The following ADAMTS12 variants were observed in gnomAD, a reference collection of about 807,000 sequenced individuals.
ADAMTS12 encodes the protein ADAM metallopeptidase with thrombospondin type 1 motif 12.
Under a neutral mutation model 167.8 loss-of-function variants are expected in ADAMTS12, and 118 were observed. The observed-to-expected ratio is 0.70, with a 90% CI of 0.61 to 0.82. The LOEUF is 0.82. Ranked by LOEUF, ADAMTS12 falls within the 40% of genes least tolerant of loss-of-function variation. ADAMTS12 has a pLI of 0.00. For missense variants in ADAMTS12, 1,916 were observed against 1,998.8 expected (o/e 0.96, Z 0.79); for synonymous variants, 704 against 716.9 (o/e 0.98, Z 0.29).
Position 33,630,818 on chromosome 5 carries a change from C to T in ADAMTS12, c.1984G>A (p.Gly662Ser), listed in dbSNP as rs561574052. 1.1e-5 allele frequency: 18 copies of T among 1,613,602 alleles called. No homozygotes were observed. The South Asian group carries it at 1.4e-4, about 13-fold the overall frequency. Reference protein sequence around the residue: ...VIDGTPCFEGGNSRNVCINGI... With the variant: ...VIDGTPCFEGSNSRNVCINGI... ...TTAATACAGACATTTCTGCTGTTGCCGCCTTCAAAGCAAGGGGTACCATCA... is the reference window on the plus strand; with the variant it reads ...TTAATACAGACATTTCTGCTGTTGCTGCCTTCAAAGCAAGGGGTACCATCA... The change falls in exon 13 of 24, where the codon GGC becomes AGC. Residue 662 changes from glycine to serine, a missense_variant. Transcript: ENST00000504830.
At chr5:33,680,696 C>T (rs1742080122) in intron 5 of ADAMTS12, among the ~76,000 whole-genome samples, 1 of 152,074 alleles carries the variant, frequency 6.6e-6, no homozygotes, top group Non-Finnish European at 1.5e-5. Context: ...GTATTTAACT[C>T]ATTAGTGAGG....
At chr5:33,869,183 C>T (rs1481024744) in intron 2 of ADAMTS12, among the ~76,000 whole-genome samples, 1 of 152,116 alleles carries the variant, frequency 6.6e-6, no homozygotes, top group Non-Finnish European at 1.5e-5. Context: ...GACACTGCTC[C>T]CTGTGTCCCA....
intron 2 of ADAMTS12, among the ~76,000 whole-genome samples, chr5:33,763,280 T>C (rs1019191752): frequency 3.9e-5 from 6 of 151,972 alleles, no homozygotes; most frequent in Non-Finnish European, 8.8e-5. Context: ...ACCTATGTAA[T>C]CAGAAGGGCC....
At chr5:33,788,392 C>G (rs777674251) in intron 2 of ADAMTS12, among the ~76,000 whole-genome samples, 1 of 148,202 alleles carries the variant, frequency 6.7e-6, no homozygotes, top group Non-Finnish European at 1.5e-5. Flanking sequence ...CAAGAGGGAA[C>G]GAAAGAGGGG....
At chr5:33,884,364 T>C (rs973112346) in intron 1 of ADAMTS12, among the ~76,000 whole-genome samples, 1 of 152,126 alleles carries the variant, frequency 6.6e-6, no homozygotes. Flanking sequence ...ATCGCTGACA[T>C]CCCCTTCACT....
chr5:33,801,562 A>T (rs1199464602), intron 2 of ADAMTS12, among the ~76,000 whole-genome samples: 13 of 152,214 alleles, frequency 8.5e-5, no homozygotes, highest in Non-Finnish European at 1.0e-4. Flanking sequence ...GTCTGTTATT[A>T]GGCAGATCTC....
At chr5:33,789,176 GTC>G (rs33943765) in intron 2 of ADAMTS12, among the ~76,000 whole-genome samples, 36,577 of 152,120 alleles carry the variant, frequency 0.24, 6,007 homozygotes, top group African/African-American at 0.47. Flanking sequence ...GGACAGAAAG[GTC>G]TCTCACACAC....
At chr5:33,802,788 C>A (rs1333641401) in intron 2 of ADAMTS12, among the ~76,000 whole-genome samples, 3 of 152,128 alleles carry the variant, frequency 2.0e-5, no homozygotes, top group African/African-American at 7.2e-5. Context: ...CAATAGCAGT[C>A]CTCTATGGGA....
intron 1 of ADAMTS12, among the ~76,000 whole-genome samples, chr5:33,885,066 A>G (rs1253850945): frequency 6.6e-6 from 1 of 152,238 alleles, no homozygotes; most frequent in Non-Finnish European, 1.5e-5. Flanking sequence ...TACTTAGAAA[A>G]CAACTATAAT....
intron 3 of ADAMTS12, among the ~76,000 whole-genome samples, chr5:33,725,935 C>T (rs758376634): frequency 2.0e-5 from 3 of 152,178 alleles, no homozygotes; most frequent in African/African-American, 7.2e-5. Context: ...TGCACACTCT[C>T]GTGCGAGAAT....
chr5:33,661,994 A>C lies in ADAMTS12; in HGVS notation c.962T>G (p.Phe321Cys). ...VHHAEKTLSSFCKWQKSINPK... is the reference protein window; with the variant it reads ...VHHAEKTLSSCCKWQKSINPK... ...ATTGATACTCTTCTGCCACTTGCAG[A>C]AGCTAGACAGTGTCTTTTCTGCATG... The change falls in exon 6 of 24, where the codon TTC becomes TGC. Residue 321 changes from phenylalanine (F) to cysteine (C), a missense_variant. Transcript: ENST00000504830. 6.2e-7 allele frequency: 1 copy of C among 1,612,998 alleles called. No individual in the cohort carries two copies. The highest frequency in any genetic ancestry group is 8.5e-7 in the Non-Finnish European group (1 of 1,179,650).
At chr5:33,677,537 G>C (rs1253288035) in intron 5 of ADAMTS12, among the ~76,000 whole-genome samples, 1 of 152,172 alleles carries the variant, frequency 6.6e-6, no homozygotes, top group African/African-American at 2.4e-5. Context: ...CGACCCAAGA[G>C]GGGAGCAGGG....
intron 3 of ADAMTS12, among the ~76,000 whole-genome samples, chr5:33,705,249 G>A (rs1743150468): frequency 6.7e-6 from 1 of 148,606 alleles, no homozygotes; most frequent in East Asian, 2.0e-4. Context: ...CCTTTTTATG[G>A]CCAAGTAGTA....
At chr5:33,721,085 G>A (rs1044046170) in intron 3 of ADAMTS12, among the ~76,000 whole-genome samples, 5 of 152,090 alleles carry the variant, frequency 3.3e-5, no homozygotes, top group African/African-American at 7.2e-5. Context: ...GGATGCACTC[G>A]CCAATGTAAT....
At position 33,683,841 on chromosome 5, in the gene ADAMTS12, C is replaced by G. The variant is rs1455657729; in HGVS notation, c.831+18G>C. 1.4e-6 allele frequency: 2 copies of G among 1,456,546 alleles called. No homozygotes were observed. Among genetic ancestry groups the G allele is most frequent in the African/African-American group, 1.4e-5 (1 of 70,344 alleles). The allele number at this position is 1,456,546 out of a possible 1,614,324, so 90.2% of individuals were successfully genotyped here. On this transcript the variant is annotated intron_variant, in intron 4 of 23. Transcript: ENST00000504830. ...ATCTGTTCACTAGCTGCCCCAGCCC[C>G]CATGTAGTCTGGCATACCATGTTCA...
In ADAMTS12 at chr5:33,549,364, C is replaced by G. The variant is rs779416557; in HGVS notation, c.4145G>C (p.Gly1382Ala). 1.2e-6 allele frequency: 2 copies of G among 1,613,740 alleles called. No homozygotes were observed. Among genetic ancestry groups the G allele is most frequent in the Non-Finnish European group, 1.7e-6 (2 of 1,179,676 alleles). ...CTGAATCTCGCGTATCTTGAAGCCC[C>G]CACTGCAGTTTCTGGAGCACTGTAT... ...NWSKCSRNCS[G>A]GFKIREIQCV... Residue 1382 changes from glycine to alanine, a missense_variant, in exon 21 of 24, where the codon GGG (glycine) becomes GCG (alanine). Transcript: ENST00000504830.
At chr5:33,874,547 C>T (rs184072572) in intron 2 of ADAMTS12, among the ~76,000 whole-genome samples, 43 of 152,286 alleles carry the variant, frequency 2.8e-4, no homozygotes, top group Admixed American at 2.7e-3. Context: ...TAAACATACT[C>T]GTACCATATA....
At chr5:33,688,840 C>T (rs1220115911) in intron 3 of ADAMTS12, among the ~76,000 whole-genome samples, 1 of 152,194 alleles carries the variant, frequency 6.6e-6, no homozygotes, top group Non-Finnish European at 1.5e-5. Context: ...CTTCTACACC[C>T]TTATATCAGA....
At chr5:33,553,937 C>G (rs1295409123) in intron 20 of ADAMTS12, among the ~76,000 whole-genome samples, 1 of 152,194 alleles carries the variant, frequency 6.6e-6, no homozygotes, top group Non-Finnish European at 1.5e-5. Flanking sequence ...GTCCTTCTCC[C>G]CACCCCACTT....
Sources: gnomAD v4.1 joint callset for allele counts (sites outside exome capture counted in the v4.1 genomes callset) on GRCh38, gnomAD v4.1.1 for gene constraint, MANE v1.5 for transcripts, NCBI Gene and HGNC (gene_info 2026-07-23, HGNC 2026-07-21) for gene names.